Variants in PHACTR2 observed in about 807,000 individuals in gnomAD.
PHACTR2 encodes chromosome 6 open reading frame 56.
PHACTR2 carries 30 observed loss-of-function variants against 76.0 expected under a neutral mutation model. That is an observed-to-expected ratio of 0.39 (90% CI 0.30 to 0.54). The LOEUF is 0.54. Ranked by LOEUF, PHACTR2 falls within the 20% of genes least tolerant of loss-of-function variation. PHACTR2 has a pLI of 0.61. For missense variants in PHACTR2, 696 were observed against 781.1 expected (o/e 0.89, Z 1.30); for synonymous variants, 292 against 292.5 (o/e 1.00, Z 0.02).
In PHACTR2 at chr6:143,772,589, T is replaced by C; in HGVS notation, c.1432+132T>C. The C allele has an allele frequency of 1.5e-6, 1 of 683,190 alleles. No homozygotes were observed. Among genetic ancestry groups the C allele is most frequent in the Non-Finnish European group, 2.5e-6 (1 of 398,406 alleles). 42.3% of individuals were successfully genotyped at this position (683,190 alleles called of 1,614,324 possible). A position where few individuals can be genotyped will look rare whatever the true frequency, so the allele number is the denominator to read the frequency against. ...TTTCCCCTCATCCTCCTTTCTCAAA[T>C]TAGAAATGTGTATATCCTAAAGTTT... On this transcript the variant is annotated intron_variant, in intron 7 of 12. Transcript: ENST00000440869. This position sits in a 1 kb window ranked among gnomAD's most constrained non-coding sequence, Gnocchi z 5.4.
chr6:143,775,547 A>C lies in PHACTR2; in HGVS notation c.1589+1332A>C, dbSNP rs559647889. Among the ~76,000 whole-genome samples, 7 of 152,340 alleles carry C rather than the reference A, an allele frequency of 4.6e-5. No individual in the cohort carries two copies. The South Asian group carries it at 1.4e-3, about 32-fold the overall frequency. ...ATGTCTCAAGGACAGACATGCAGTT[A>C]CTGAGTAGCAGAACCAGAATTAGAA... On this transcript the variant is annotated intron_variant, in intron 8 of 12. Coordinates refer to ENST00000440869, the MANE Select transcript of PHACTR2 (RefSeq NM_001100164.2). This position sits in a 1 kb window ranked among gnomAD's most constrained non-coding sequence, Gnocchi z 4.4.
In PHACTR2 at chr6:143,823,545, A is replaced by G; in HGVS notation, c.1923-129A>G. ...GTATTTTGTTATGACAGAAATTTGTAAACAGTAATTCAGTTGGGGGATATC... is the reference window on the plus strand; with the variant it reads ...GTATTTTGTTATGACAGAAATTTGTGAACAGTAATTCAGTTGGGGGATATC... On this transcript the variant is annotated intron_variant, in intron 12 of 12. Transcript: ENST00000440869. The surrounding 1 kb of genome is among the most constrained non-coding windows in gnomAD (Gnocchi z 5.7). 3.1e-6 allele frequency: 2 copies of G among 636,458 alleles called. No individual in the cohort carries two copies. Among genetic ancestry groups the G allele is most frequent in the East Asian group, 5.1e-5 (2 of 39,080 alleles). 39.4% of individuals were successfully genotyped at this position (636,458 alleles called of 1,614,324 possible).
Position 143,562,824 on chromosome 6 carries a change from C to T in PHACTR2, c.217+25617C>T, listed in dbSNP as rs897718593. Among the ~76,000 whole-genome samples, 3 of 152,186 alleles carry T rather than the reference C, an allele frequency of 2.0e-5. No individual in the cohort carries two copies. Among genetic ancestry groups the T allele is most frequent in the Admixed American group, 6.5e-5 (1 of 15,270 alleles). On this transcript the variant is annotated intron_variant, in intron 1 of 11. Transcript: ENST00000367584. This position sits in a 1 kb window ranked among gnomAD's most constrained non-coding sequence, Gnocchi z 5.1. ...AGTATTATCCAGCCATAAAGAGGAACATATGCTGCAACATGGCTTGAAAAC... is the reference window on the plus strand; with the variant it reads ...AGTATTATCCAGCCATAAAGAGGAATATATGCTGCAACATGGCTTGAAAAC...
rs1776529040 is a variant in PHACTR2, at chr6:143,639,553, G to T, written c.13+31231G>T. ...GGCCCATTCAAAAAGAATTAATTGT[G>T]CTGGGGAAAAGTCTTTAGGTTTGGG... is the stretch of plus-strand genomic sequence containing the variant. On this transcript the variant is annotated intron_variant, in intron 1 of 11. Coordinates refer to the PHACTR2 transcript ENST00000305766. The surrounding 1 kb of genome is among the most constrained non-coding windows in gnomAD (Gnocchi z 5.0). Among the ~76,000 whole-genome samples, 1 of 152,052 alleles carries T rather than the reference G, an allele frequency of 6.6e-6. No individual in the cohort carries two copies. Among genetic ancestry groups the T allele is most frequent in the Non-Finnish European group, 1.5e-5 (1 of 68,008 alleles).
intron 1 of PHACTR2, among the ~76,000 whole-genome samples, chr6:143,544,153 CT>C (rs993972796): frequency 6.8e-6 from 1 of 147,786 alleles, no homozygotes; most frequent in Non-Finnish European, 1.5e-5. Flanking sequence ...CTTGCCCTGC[CT>C]TTTTGTGTAG....
In PHACTR2 at chr6:143,793,668, A is replaced by T. The variant is rs1361747207; in HGVS notation, c.1845+4758A>T. On this transcript the variant is annotated intron_variant, in intron 11 of 12. Coordinates refer to ENST00000440869, the MANE Select transcript of PHACTR2 (RefSeq NM_001100164.2). The surrounding 1 kb of genome is among the most constrained non-coding windows in gnomAD (Gnocchi z 4.4). ...ATGCCTGTAATCCTAGCACTTTGGGAGGCCAAGGTTTCTTGAGCTCAAGAT... is the reference window on the plus strand; with the variant it reads ...ATGCCTGTAATCCTAGCACTTTGGGTGGCCAAGGTTTCTTGAGCTCAAGAT... Among the ~76,000 whole-genome samples the T allele has an allele frequency of 6.6e-6, 1 of 152,112 alleles. No homozygotes were observed. The highest frequency in any genetic ancestry group is 2.4e-5 in the African/African-American group (1 of 41,422).
intron 1 of PHACTR2, among the ~76,000 whole-genome samples, chr6:143,685,281 T>C (rs1028938525): frequency 6.6e-6 from 1 of 151,974 alleles, no homozygotes; most frequent in Non-Finnish European, 1.5e-5. Context: ...CAAAAAAAAT[T>C]AACATCAGAA....
intron 11 of PHACTR2, among the ~76,000 whole-genome samples, chr6:143,799,664 A>G (rs1001588601): frequency 5.9e-5 from 9 of 152,332 alleles, no homozygotes; most frequent in African/African-American, 2.2e-4. Context: ...ATTCAGGAGC[A>G]GGTTGTTCAG....
chr6:143,736,554 A>ATTTTT (rs776969170), intron 2 of PHACTR2, among the ~76,000 whole-genome samples: 5 of 56,992 alleles, frequency 8.8e-5, no homozygotes, highest in Admixed American at 2.8e-4. Flanking sequence ...ACCCTTTACA[A>ATTTTT]TTTTTTTTTT....
intron 1 of PHACTR2, among the ~76,000 whole-genome samples, chr6:143,694,282 T>A (rs6914940): frequency 6.6e-6 from 1 of 151,684 alleles, no homozygotes; most frequent in Non-Finnish European, 1.5e-5. Context: ...AGGAAATAAA[T>A]AAAGAAAGAA....
rs1204139235 is a variant in PHACTR2, at chr6:143,697,414, C to T, written c.47-14602C>T. Among the ~76,000 whole-genome samples the T allele has an allele frequency of 6.6e-6, 1 of 152,286 alleles. No homozygotes were observed. Among genetic ancestry groups the T allele is most frequent in the East Asian group, 1.9e-4 (1 of 5,184 alleles). Reference sequence around the variant, plus strand: ...GAGTGCTCTTGAAGAAATTAATTTTCACCACTCATCACCGGGTGAAAATAG... The same window carrying T: ...GAGTGCTCTTGAAGAAATTAATTTTTACCACTCATCACCGGGTGAAAATAG... On this transcript the variant is annotated intron_variant, in intron 1 of 12. Transcript: ENST00000440869. This position sits in a 1 kb window ranked among gnomAD's most constrained non-coding sequence, Gnocchi z 4.4.
rs751911051 is a variant in PHACTR2 at position 143,683,812 on chromosome 6, C to T, written c.46+5603C>T. ...GTTTGGGATAAAAATGAATTTACTCCCTCCCAGAATCCTCCAGTCCCACTT... is the reference window on the plus strand; with the variant it reads ...GTTTGGGATAAAAATGAATTTACTCTCTCCCAGAATCCTCCAGTCCCACTT... On this transcript the variant is annotated intron_variant, in intron 1 of 12. Transcript: ENST00000440869. The surrounding 1 kb of genome is among the most constrained non-coding windows in gnomAD (Gnocchi z 4.1). 3.3e-5 allele frequency among the ~76,000 whole-genome samples: 5 copies of T among 152,038 alleles called. No homozygotes were observed. Among genetic ancestry groups the T allele is most frequent in the Non-Finnish European group, 5.9e-5 (4 of 68,004 alleles).
At position 143,784,544 on chromosome 6, in the gene PHACTR2, A is replaced by T. The variant is rs1775508448; in HGVS notation, c.1707+1264A>T. Among the ~76,000 whole-genome samples, 1 of 152,200 alleles carries T rather than the reference A, an allele frequency of 6.6e-6. No homozygotes were observed. ...CTTCAACAAAAGCATTCCAAGGCAG[A>T]TGGAGGCAATGCTTCATTCCCACAG... On this transcript the variant is annotated intron_variant, in intron 10 of 12. Transcript: ENST00000440869. This position sits in a 1 kb window ranked among gnomAD's most constrained non-coding sequence, Gnocchi z 4.5.
rs1418821101 is a variant in PHACTR2 at position 143,662,395 on chromosome 6, A to G, written c.14-49621A>G. Among the ~76,000 whole-genome samples, 1 of 152,146 alleles carries G rather than the reference A, an allele frequency of 6.6e-6. No individual in the cohort carries two copies. Among genetic ancestry groups the G allele is most frequent in the Non-Finnish European group, 1.5e-5 (1 of 68,008 alleles). ...GCCTGTTAAATATAAGAAACTACTTATTTTGTTTGTTATTCCCTTAAGATG... is the reference window on the plus strand; with the variant it reads ...GCCTGTTAAATATAAGAAACTACTTGTTTTGTTTGTTATTCCCTTAAGATG... On this transcript the variant is annotated intron_variant, in intron 1 of 11. Transcript: ENST00000305766. This position sits in a 1 kb window ranked among gnomAD's most constrained non-coding sequence, Gnocchi z 4.7.
In PHACTR2 at chr6:143,769,651, T is replaced by C. The variant is rs974214145; in HGVS notation, c.1233-2607T>C. Among the ~76,000 whole-genome samples the C allele has an allele frequency of 3.9e-5, 6 of 152,020 alleles. No homozygotes were observed. The East Asian group carries it at 1.2e-3, about 29-fold the overall frequency. On this transcript the variant is annotated intron_variant, in intron 6 of 12. Coordinates refer to ENST00000440869, the MANE Select transcript of PHACTR2 (RefSeq NM_001100164.2). ...TGTATGCTGGACTCTTTGAAAACCA[T>C]GAAACAAAATACAAATAGTAAGATT...
At position 143,775,023 on chromosome 6, in the gene PHACTR2, A is replaced by G. The variant is rs949004039; in HGVS notation, c.1589+808A>G. ...ACACAACAGGGTGCATAACTGGGAG[A>G]AAGGAACTGTCTAGAATCCCAGAGC... On this transcript the variant is annotated intron_variant, in intron 8 of 12. Coordinates refer to ENST00000440869, the MANE Select transcript of PHACTR2 (RefSeq NM_001100164.2). This position sits in a 1 kb window ranked among gnomAD's most constrained non-coding sequence, Gnocchi z 4.4. Among the ~76,000 whole-genome samples, 4 of 152,176 alleles carry G rather than the reference A, an allele frequency of 2.6e-5. No individual in the cohort carries two copies. The highest frequency in any genetic ancestry group is 5.9e-5 in the Non-Finnish European group (4 of 68,026).
intron 1 of PHACTR2, among the ~76,000 whole-genome samples, chr6:143,638,849 A>G (rs991480490): frequency 6.6e-5 from 10 of 152,196 alleles, no homozygotes; most frequent in African/African-American, 1.7e-4. Context: ...TTCTAGCAAT[A>G]TAGATAAATT....
intron 1 of PHACTR2, among the ~76,000 whole-genome samples, chr6:143,564,233 A>ATATATATATG (rs1554287869): frequency 4.1e-5 from 4 of 97,032 alleles, no homozygotes; most frequent in African/African-American, 1.5e-4. Context: ...ATATATATAT[A>ATATATATATG]TATGTATGCC....
chr6:143,718,311 T>C (rs1362714206), intron 2 of PHACTR2, among the ~76,000 whole-genome samples: 15 of 152,236 alleles, frequency 9.9e-5, no homozygotes, highest in Non-Finnish European at 2.2e-4. Context: ...AACTGCAATC[T>C]TTAAGGGCTA....
Sources: gnomAD v4.1 joint callset for allele counts (sites outside exome capture counted in the v4.1 genomes callset) on GRCh38, gnomAD v4.1.1 for gene constraint, Gnocchi (gnomAD v3.1) non-coding constraint, MANE v1.5 for transcripts, NCBI Gene and HGNC (gene_info 2026-07-23, HGNC 2026-07-21) for gene names.